Variants in RELN observed in about 807,000 individuals in gnomAD.
The protein encoded by RELN is reelin.
Under a neutral mutation model 427.6 loss-of-function variants are expected in RELN, and 108 were observed. The ratio of observed to expected loss-of-function variants is 0.25; its 90% CI spans 0.22 to 0.30. The LOEUF (loss-of-function observed/expected upper bound fraction) is 0.30. Ranked by LOEUF, RELN falls within the 10% of genes least tolerant of loss-of-function variation. The pLI, the probability that RELN is intolerant of heterozygous loss-of-function variation, is 1.00. For synonymous variants in RELN, 1,524 were observed against 1,513.4 expected (o/e 1.01, Z -0.16); for missense variants, 3,715 against 4,302.8 (o/e 0.86, Z 3.82).
At chr7:103,748,143 T>G (rs1938352644) in intron 6 of RELN, among the ~76,000 whole-genome samples, 1 of 151,604 alleles carries the variant, frequency 6.6e-6, no homozygotes, top group Non-Finnish European at 1.5e-5. Flanking sequence ...AGAAAGGTTT[T>G]TTTTTTTTTT....
chr7:103,963,457 CTA>C (rs1406992455), intron 1 of RELN, among the ~76,000 whole-genome samples: 1 of 152,116 alleles, frequency 6.6e-6, no homozygotes, highest in Non-Finnish European at 1.5e-5. Context: ...TAGACATTAT[CTA>C]TGTTATTTAT....
intron 36 of RELN, among the ~76,000 whole-genome samples, chr7:103,558,420 T>A (rs1830572132): frequency 6.6e-6 from 1 of 152,170 alleles, no homozygotes; most frequent in South Asian, 2.1e-4. Flanking sequence ...ATGTGCCAAG[T>A]GCTCCCGCTG....
intron 20 of RELN, among the ~76,000 whole-genome samples, chr7:103,613,555 G>GTCT (rs1832011193): frequency 6.6e-6 from 1 of 152,170 alleles, no homozygotes; most frequent in African/African-American, 2.4e-5. Flanking sequence ...TGCTCCTAGG[G>GTCT]TCTTTTAAGT....
chr7:103,760,919 T>C (rs1335437775), intron 4 of RELN, among the ~76,000 whole-genome samples: 1 of 152,198 alleles, frequency 6.6e-6, no homozygotes, highest in African/African-American at 2.4e-5. Context: ...TTGTATTTTA[T>C]TGCAATAAAG....
intron 6 of RELN, among the ~76,000 whole-genome samples, chr7:103,736,136 C>G (rs1790486292): frequency 6.6e-6 from 1 of 152,156 alleles, no homozygotes; most frequent in Non-Finnish European, 1.5e-5. Flanking sequence ...ACCTTGCCGG[C>G]CATTTGGTAG....
intron 3 of RELN, among the ~76,000 whole-genome samples, chr7:103,814,864 C>T (rs1792831865): frequency 6.6e-6 from 1 of 152,008 alleles, no homozygotes; most frequent in Non-Finnish European, 1.5e-5. Context: ...TGTGCCAGGC[C>T]AAGAAAACTT....
At chr7:103,798,386 T>C (rs1309440779) in intron 3 of RELN, among the ~76,000 whole-genome samples, 3 of 152,196 alleles carry the variant, frequency 2.0e-5, no homozygotes, top group Admixed American at 1.3e-4. Context: ...TGTAAAACAC[T>C]GGCAATAATG....
chr7:103,836,728 T>C (rs1361996388), intron 2 of RELN, among the ~76,000 whole-genome samples: 1 of 151,652 alleles, frequency 6.6e-6, no homozygotes. Flanking sequence ...CACTTTCTGC[T>C]TTTTCAAGCC....
At chr7:103,961,769 TA>T (rs146451646) in intron 1 of RELN, among the ~76,000 whole-genome samples, 4,175 of 152,270 alleles carry the variant, frequency 0.027, 226 homozygotes, top group African/African-American at 0.096. Context: ...TCATAGTGCA[TA>T]AGAGTATCAT....
At chr7:103,828,225 A>G (rs1211061948) in intron 3 of RELN, among the ~76,000 whole-genome samples, 3 of 152,038 alleles carry the variant, frequency 2.0e-5, no homozygotes, top group African/African-American at 4.8e-5. Flanking sequence ...GCAGCACTTC[A>G]AATCTCTGCA....
rs362747 is a variant in RELN, at chr7:103,539,172, G to C, written c.7086C>G (p.Thr2362=). ...CAACGTCTGTGCTGACCACGTAACG[G>C]GTGCTGGCCTTTTCAATGAAGACCA... ...DALVFIEKAS[T]RYVVSTDVAV... The change falls in exon 45 of 65, where the codon ACC becomes ACG. Residue 2362 remains threonine, a synonymous_variant. Transcript: ENST00000428762. 2 of 1,614,102 alleles carry C rather than the reference G, an allele frequency of 1.2e-6. No homozygotes were observed. Among genetic ancestry groups the C allele is most frequent in the African/African-American group, 2.7e-5 (2 of 74,932 alleles).
intron 34 of RELN, 45 bp from the exon 35 acceptor site, chr7:103,561,998 G>A (rs1354304885): frequency 1.3e-6 from 2 of 1,582,386 alleles, no homozygotes; most frequent in East Asian, 2.3e-5. Flanking sequence ...GGTTTGACAA[G>A]CAACCTTGAA....
In RELN at chr7:103,905,529, G is replaced by A. The variant is rs144340217; in HGVS notation, c.337+11546C>T. 2.4e-3 allele frequency among the ~76,000 whole-genome samples: 369 copies of A among 152,118 alleles called. 1 individual carries two copies. The highest frequency in any genetic ancestry group is 8.1e-3 in the African/African-American group (335 of 41,512). The stretch of plus-strand genomic sequence containing the variant: ...GACAGTAATACTTTCCTCCCCACCC[G>A]CCACCCCACCTGGCCCAGTCTATAC... On this transcript the variant is annotated intron_variant, in intron 2 of 64. Coordinates refer to ENST00000428762, the MANE Select transcript of RELN (RefSeq NM_005045.4).
chr7:103,797,576 T>A (rs2116297322), intron 3 of RELN, among the ~76,000 whole-genome samples: 1 of 152,338 alleles, frequency 6.6e-6, no homozygotes, highest in Non-Finnish European at 1.5e-5. Flanking sequence ...GTTTTTTTAT[T>A]TTTCTGATAA....
intron 28 of RELN, among the ~76,000 whole-genome samples, chr7:103,581,901 G>C (rs544810315): frequency 9.2e-5 from 14 of 151,920 alleles, no homozygotes; most frequent in Admixed American, 4.6e-4. Context: ...TGGAGCCCAG[G>C]AAGACCAGCA....
chr7:103,744,357 G>GA (rs1227145829), intron 6 of RELN, among the ~76,000 whole-genome samples: 1 of 151,832 alleles, frequency 6.6e-6, no homozygotes, highest in Non-Finnish European at 1.5e-5. Flanking sequence ...AAAAGAACTA[G>GA]AAAAGCAAGA....
chr7:103,743,287 G>A (rs554244166), intron 6 of RELN, among the ~76,000 whole-genome samples: 10 of 152,198 alleles, frequency 6.6e-5, no homozygotes, highest in Admixed American at 2.0e-4. Context: ...AGGAACAACC[G>A]GTACCAGCCA....
At chr7:103,766,100 G>T (rs1409858269) in intron 4 of RELN, among the ~76,000 whole-genome samples, 1 of 152,168 alleles carries the variant, frequency 6.6e-6, no homozygotes, top group East Asian at 1.9e-4. Flanking sequence ...GCTTTAGTGT[G>T]TCGCTTTGTT....
At chr7:103,716,949 C>A (rs1462260420) in intron 8 of RELN, among the ~76,000 whole-genome samples, 3 of 152,082 alleles carry the variant, frequency 2.0e-5, no homozygotes, top group Non-Finnish European at 2.9e-5. Context: ...TCCTGTAGTT[C>A]ACTGCTGTAT....
Sources: allele counts gnomAD v4.1 joint callset (sites outside exome capture counted in the v4.1 genomes callset), GRCh38; gene constraint gnomAD v4.1.1; transcripts MANE v1.5; gene names NCBI Gene and HGNC (gene_info 2026-07-23, HGNC 2026-07-21).